Variants in PITPNM3 observed in about 807,000 individuals in gnomAD.
PITPNM3 encodes the protein PITPNM family member 3.
PITPNM3 carries 26 observed loss-of-function variants against 102.0 expected under a neutral mutation model. The observed-to-expected ratio is 0.25, with a 90% CI of 0.19 to 0.35. The LOEUF (loss-of-function observed/expected upper bound fraction) is 0.35. Among genes scored for constraint, PITPNM3 ranks in the 10% least tolerant of loss-of-function variants. The probability of loss-of-function intolerance (pLI) is 1.00; values close to 1 mark genes in which losing one functional copy is unlikely to be tolerated. For missense variants in PITPNM3, 1,083 were observed against 1,346.1 expected, an observed-to-expected ratio of 0.80 and a Z score of 3.06; for synonymous variants, 578 against 558.6, an observed-to-expected ratio of 1.03 and a Z score of -0.49.
intron 1 of PITPNM3, among the ~76,000 whole-genome samples, chr17:6,548,023 T>C (rs356046): frequency 0.5 from 76,695 of 151,952 alleles, 19,571 homozygotes; most frequent in South Asian, 0.6. Flanking sequence ...CCACCACGCC[T>C]GGCTGGGGTC....
chr17:6,475,209 C>T (rs1056722383), intron 9 of PITPNM3, among the ~76,000 whole-genome samples: 2 of 152,188 alleles, frequency 1.3e-5, no homozygotes, highest in African/African-American at 2.4e-5. Flanking sequence ...CTCCCCACCC[C>T]CAGCCCCAGC....
chr17:6,496,427 T>A (rs1906825218), intron 4 of PITPNM3, among the ~76,000 whole-genome samples: 1 of 151,940 alleles, frequency 6.6e-6, no homozygotes, highest in Non-Finnish European at 1.5e-5. Context: ...TCCCAGCAAA[T>A]GTTCCCCGGG....
chr17:6,496,914 G>A (rs1344934493), intron 4 of PITPNM3, among the ~76,000 whole-genome samples: 1 of 152,102 alleles, frequency 6.6e-6, no homozygotes, highest in Non-Finnish European at 1.5e-5. Context: ...AGAGGCTAAT[G>A]CACATCCTCA....
chr17:6,542,051 A>T (rs2150670185), intron 1 of PITPNM3, among the ~76,000 whole-genome samples: 1 of 152,100 alleles, frequency 6.6e-6, no homozygotes, highest in East Asian at 1.9e-4. Context: ...AGGGCGGGGG[A>T]CCTCAGTCTC....
chr17:6,513,759 C>A (rs1174764771), intron 3 of PITPNM3, among the ~76,000 whole-genome samples: 1 of 152,196 alleles, frequency 6.6e-6, no homozygotes, highest in African/African-American at 2.4e-5. Flanking sequence ...TCAAAATCCC[C>A]ACTGGCATTT....
Position 6,470,152 on chromosome 17 carries a change from G to A in PITPNM3, c.1773+108C>T. On this transcript the variant is annotated intron_variant, in intron 13 of 19. Transcript: ENST00000262483. This position sits in a 1 kb window ranked among gnomAD's most constrained non-coding sequence, Gnocchi z 4.8. ...GCCTTCCTCATGCTCTTAGGATCAA[G>A]GCCAAAAGCTGAACAGTGTCTGCAA... is the stretch of plus-strand genomic sequence containing the variant. 3.0e-6 allele frequency: 4 copies of A among 1,318,210 alleles called. No individual in the cohort carries two copies. The highest frequency in any genetic ancestry group is 2.5e-5 in the South Asian group (2 of 79,252). The allele number at this position is 1,318,210 out of a possible 1,614,324, so 81.7% of individuals were successfully genotyped here. A position where few individuals can be genotyped will look rare whatever the true frequency, so the allele number is the denominator to read the frequency against.
At position 6,537,256 on chromosome 17, in the gene PITPNM3, C is replaced by CTTT. The variant is rs201959934; in HGVS notation, c.118+728_118+730dup. 1.9e-4 allele frequency among the ~76,000 whole-genome samples: 24 copies of CTTT among 128,244 alleles called. No individual in the cohort carries two copies. Among genetic ancestry groups the CTTT allele is most frequent in the African/African-American group, 5.4e-4 (17 of 31,772 alleles). The allele number at this position is 128,244 out of a possible 152,430, so 84.1% of individuals were successfully genotyped here. ...TATGAGGCTCATTTATTTTTTCTTT[C>CTTT]TTTTTTTTTTTTTTTTTTCTGAGAC... On this transcript the variant is annotated intron_variant, in intron 2 of 19. Transcript: ENST00000262483. The surrounding 1 kb of genome is among the most constrained non-coding windows in gnomAD (Gnocchi z 4.4).
intron 1 of PITPNM3, 145 bp from the exon 2 acceptor site, chr17:6,538,227 C>T (rs1247105671): frequency 2.9e-6 from 2 of 689,342 alleles, no homozygotes; most frequent in South Asian, 3.1e-5. Flanking sequence ...CCTCACAGAG[C>T]CCTCCCTCTC....
intron 2 of PITPNM3, among the ~76,000 whole-genome samples, chr17:6,525,843 C>T (rs1299594490): frequency 2.0e-5 from 3 of 152,148 alleles, no homozygotes; most frequent in Non-Finnish European, 4.4e-5. Flanking sequence ...CTCTGACCCT[C>T]GATTTTCCCA....
At chr17:6,552,746 G>A (rs1216278584) in intron 1 of PITPNM3, among the ~76,000 whole-genome samples, 1 of 150,384 alleles carries the variant, frequency 6.6e-6, no homozygotes, top group Non-Finnish European at 1.5e-5. Flanking sequence ...GCCGGCCCCT[G>A]GCCACCTTTC....
At chr17:6,490,514 T>C (rs1264487273) in intron 4 of PITPNM3, among the ~76,000 whole-genome samples, 1 of 152,082 alleles carries the variant, frequency 6.6e-6, no homozygotes, top group Non-Finnish European at 1.5e-5. Context: ...TGAGAGGCTA[T>C]GGAGAAAGGA....
chr17:6,501,518 C>A (rs951983945), intron 4 of PITPNM3, among the ~76,000 whole-genome samples: 1 of 152,186 alleles, frequency 6.6e-6, no homozygotes, highest in Non-Finnish European at 1.5e-5. Context: ...AACGGGACAC[C>A]AGCCCTAGAG....
intron 2 of PITPNM3, among the ~76,000 whole-genome samples, chr17:6,534,851 T>C (rs1157355489): frequency 6.6e-6 from 1 of 152,070 alleles, no homozygotes; most frequent in Non-Finnish European, 1.5e-5. Context: ...GCAGGAGCTC[T>C]CAGGGACAGA....
At chr17:6,467,057 C>T (rs11078631) in intron 14 of PITPNM3, among the ~76,000 whole-genome samples, 48,502 of 96,994 alleles carry the variant, frequency 0.5, 10,119 homozygotes, top group Middle Eastern at 0.66. Flanking sequence ...AACAAGACTC[C>T]GTCTCAAAAC....
intron 4 of PITPNM3, among the ~76,000 whole-genome samples, chr17:6,499,421 T>C (rs1907035654): frequency 6.6e-6 from 1 of 152,246 alleles, no homozygotes; most frequent in Admixed American, 6.5e-5. Flanking sequence ...GGCTGGCTCA[T>C]GTCCTCCTCT....
At position 6,542,675 on chromosome 17, in the gene PITPNM3, G is replaced by C. The variant is rs141665479; in HGVS notation, c.23-4593C>G. ...GAGATTTAAATGACATCAGCCCCCA[G>C]AGCGTCTAGCCCACTGCCTGGCACT... On this transcript the variant is annotated intron_variant, in intron 1 of 19. Transcript: ENST00000262483. 3.0e-3 allele frequency among the ~76,000 whole-genome samples: 451 copies of C among 152,278 alleles called. 2 individuals are homozygous for C. Among genetic ancestry groups the C allele is most frequent in the African/African-American group, 0.011 (442 of 41,566 alleles).
intron 4 of PITPNM3, among the ~76,000 whole-genome samples, chr17:6,503,169 G>A (rs564359784): frequency 6.6e-6 from 1 of 152,192 alleles, no homozygotes; most frequent in South Asian, 2.1e-4. Context: ...CCCCATCCCC[G>A]TCCTCCTCTC....
rs762140420 is a variant in PITPNM3, at chr17:6,463,713, C to T, written c.2306+19G>A. On this transcript the variant is annotated intron_variant, in intron 17 of 19. Coordinates refer to ENST00000262483, the MANE Select transcript of PITPNM3 (RefSeq NM_031220.4). ...CTGCCCCCCAGGGAGATATAGCCCT[C>T]GTGGAAGGTGGCACTCACCGGACAA... 39 of 1,609,524 alleles carry T rather than the reference C, an allele frequency of 2.4e-5. No individual in the cohort carries two copies. Among genetic ancestry groups the T allele is most frequent in the African/African-American group, 1.1e-4 (8 of 74,784 alleles).
chr17:6,546,284 G>T (rs774620127), intron 1 of PITPNM3, among the ~76,000 whole-genome samples: 37 of 152,248 alleles, frequency 2.4e-4, no homozygotes, highest in Non-Finnish European at 1.0e-4. Flanking sequence ...CCCTGGAAGG[G>T]CCTATCTGCC....
Sources: gnomAD v4.1 joint callset for allele counts (sites outside exome capture counted in the v4.1 genomes callset) on GRCh38, gnomAD v4.1.1 for gene constraint, Gnocchi (gnomAD v3.1) non-coding constraint, MANE v1.5 for transcripts, NCBI Gene and HGNC (gene_info 2026-07-23, HGNC 2026-07-21) for gene names.